Variants in INSR observed in about 807,000 individuals in gnomAD.
The protein encoded by INSR is insulin receptor, also known as IR.
In INSR, 67 loss-of-function variants were observed where a neutral mutation model predicts 142.6. That is an observed-to-expected ratio of 0.47 (90% CI 0.39 to 0.58). The LOEUF (loss-of-function observed/expected upper bound fraction) is 0.58, where lower values mean the gene tolerates loss of function less well. Among genes scored for constraint, INSR ranks in the 20% least tolerant of loss-of-function variants. The pLI, the probability that INSR is intolerant of heterozygous loss-of-function variation, is 0.00. For missense variants in INSR, 1,248 were observed against 1,833.2 expected, an observed-to-expected ratio of 0.68 and a Z score of 5.83; for synonymous variants, 756 against 743.1, an observed-to-expected ratio of 1.02 and a Z score of -0.28.
At chr19:7,152,627 G>A (rs1211711005) in intron 10 of INSR, 99 bp downstream of exon 10, 11 of 985,226 alleles carry the variant, frequency 1.1e-5, no homozygotes, top group Non-Finnish European at 1.8e-5. Flanking sequence ...CCCTTCTGCC[G>A]TCTCTGGGTC....
At chr19:7,202,987 G>GTTTTTTTTT (rs111825279) in intron 2 of INSR, among the ~76,000 whole-genome samples, 35,296 of 143,518 alleles carry the variant, frequency 0.25, 4,539 homozygotes, top group African/African-American at 0.31. Flanking sequence ...TTTGGGGTGG[G>GTTTTTTTTT]GTTTTGTTGT....
chr19:7,197,874 G>A (rs1974820566), intron 2 of INSR, among the ~76,000 whole-genome samples: 1 of 147,762 alleles, frequency 6.8e-6, no homozygotes, highest in Admixed American at 6.8e-5. Flanking sequence ...GTGTGTGCGC[G>A]TGTGTGTCTG....
Position 7,152,804 on chromosome 19 carries a change from T to G in INSR, c.2153A>C (p.Gln718Pro), listed in dbSNP as rs760356473. The change falls in exon 10 of 22, where the codon CAG (glutamine) becomes CCG (proline). Residue 718 changes from glutamine to proline, a missense_variant. Gln to Pro is a moderately conservative substitution (Grantham distance 76). Transcript: ENST00000302850. Reference sequence around the variant, plus strand: ...GGACTCCTCCAGCTCCTTCAGGATCTGAGAGTCTGTCTTTGGACAGGAGCA... The same window carrying G: ...GGACTCCTCCAGCTCCTTCAGGATCGGAGAGTCTGTCTTTGGACAGGAGCA... ...ECCSCPKTDS[Q>P]ILKELEESSF... is the part of the protein sequence containing the mutation. 6.2e-7 allele frequency: 1 copy of G among 1,613,572 alleles called. No individual in the cohort carries two copies.
chr19:7,190,407 C>G (rs1469551437), intron 2 of INSR, among the ~76,000 whole-genome samples: 1 of 132,738 alleles, frequency 7.5e-6, no homozygotes, highest in Non-Finnish European at 1.5e-5. Flanking sequence ...GAGTCTCACT[C>G]TGTTGTCCAG....
chr19:7,172,660 T>C (rs1287923595), intron 4 of INSR, among the ~76,000 whole-genome samples: 1 of 152,114 alleles, frequency 6.6e-6, no homozygotes, highest in Non-Finnish European at 1.5e-5. Flanking sequence ...GCTCAGAATA[T>C]TATTCCACCA....
intron 2 of INSR, among the ~76,000 whole-genome samples, chr19:7,259,342 C>T (rs925429823): frequency 9.2e-5 from 14 of 151,962 alleles, no homozygotes; most frequent in South Asian, 4.2e-4. Context: ...GTGTGGGGTG[C>T]GCGGCGGAAG....
intron 1 of INSR, among the ~76,000 whole-genome samples, chr19:7,278,877 G>A (rs1421989693): frequency 1.4e-5 from 2 of 140,468 alleles, no homozygotes; most frequent in Admixed American, 1.4e-4. Context: ...GCCTGTAATC[G>A]CAGCACTTTG....
chr19:7,244,330 C>T (rs1315931589), intron 2 of INSR, among the ~76,000 whole-genome samples: 3 of 152,090 alleles, frequency 2.0e-5, no homozygotes, highest in Non-Finnish European at 4.4e-5. Context: ...GCCAGGAATT[C>T]GAGACCAGCC....
At chr19:7,233,994 C>T (rs1201948541) in intron 2 of INSR, among the ~76,000 whole-genome samples, 2 of 152,072 alleles carry the variant, frequency 1.3e-5, no homozygotes, top group East Asian at 1.9e-4. Flanking sequence ...GCAACCTCCA[C>T]CTCCCAGGTT....
intron 13 of INSR, chr19:7,141,428 A>G: frequency 1.9e-6 from 1 of 536,292 alleles, no homozygotes; most frequent in Admixed American, 3.1e-5. Flanking sequence ...GGAGGCAGAC[A>G]TCATTCAACT....
chr19:7,204,906 C>T (rs939913450), intron 2 of INSR, among the ~76,000 whole-genome samples: 1 of 152,106 alleles, frequency 6.6e-6, no homozygotes, highest in African/African-American at 2.4e-5. Flanking sequence ...CATGGCAAAA[C>T]CTCATTTCTA....
chr19:7,269,960 G>A (rs1190821748), intron 1 of INSR, among the ~76,000 whole-genome samples: 1 of 152,118 alleles, frequency 6.6e-6, no homozygotes, highest in Non-Finnish European at 1.5e-5. Context: ...ATTCTTGTGG[G>A]GTTTTTGTTG....
In INSR at chr19:7,116,388, ACAT is replaced by A. The variant is rs1972323867; in HGVS notation, c.*665_*667del. ...AACTCCGCATGGATACTTTGCACAC[ACAT>A]CAGCCGTGTCTAATGGACACACACA... On this transcript the variant is annotated 3_prime_UTR_variant, in exon 22 of 22. Coordinates refer to ENST00000302850, the MANE Select transcript of INSR (RefSeq NM_000208.4). The A allele has an allele frequency of 6.6e-6, 1 of 152,046 alleles. No individual in the cohort carries two copies. The highest frequency in any genetic ancestry group is 1.9e-4 in the East Asian group (1 of 5,152). The allele number at this position is 152,046 out of a possible 1,614,324, so 9.4% of individuals were successfully genotyped here. A position where few individuals can be genotyped will look rare whatever the true frequency, so the allele number is the denominator to read the frequency against.
chr19:7,132,685 G>A (rs183262772), intron 13 of INSR, among the ~76,000 whole-genome samples: 87 of 151,384 alleles, frequency 5.7e-4, no homozygotes, highest in African/African-American at 2.0e-3. Context: ...TCTGCCTCCC[G>A]GGTTCAAGTG....
chr19:7,163,805 C>T (rs1006090388), intron 8 of INSR, among the ~76,000 whole-genome samples: 1 of 151,046 alleles, frequency 6.6e-6, no homozygotes, highest in Non-Finnish European at 1.5e-5. Flanking sequence ...AGGCCAGGCA[C>T]AGTGGCTCAT....
At chr19:7,155,336 A>G (rs1453771148) in intron 9 of INSR, among the ~76,000 whole-genome samples, 1 of 151,992 alleles carries the variant, frequency 6.6e-6, no homozygotes, top group Non-Finnish European at 1.5e-5. Flanking sequence ...GGAGTTCGAG[A>G]CCAGCCTGGC....
chr19:7,184,319 C>T lies in INSR; in HGVS notation c.971G>A (p.Ser324Asn), dbSNP rs1974359616. ...CAGACCCACATCCAGAACTCACTTGCTGGAATTCATCGTGTACCCGGAGGG... is the reference window on the plus strand; with the variant it reads ...CAGACCCACATCCAGAACTCACTTGTTGGAATTCATCGTGTACCCGGAGGG... ...ECPSGYTMNS[S>N]NLLCTPCLGP... Residue 324 changes from serine to asparagine, a missense_variant, in exon 3 of 22, where the codon AGC becomes AAC. Physicochemically the swap from Ser to Asn is conservative, Grantham distance 46. Transcript: ENST00000302850. 1.2e-6 allele frequency: 2 copies of T among 1,613,668 alleles called. No homozygotes were observed. The highest frequency in any genetic ancestry group is 1.7e-6 in the Non-Finnish European group (2 of 1,179,930).
At chr19:7,211,675 G>GCAGTTTA (rs1490744146) in intron 2 of INSR, among the ~76,000 whole-genome samples, 1 of 152,186 alleles carries the variant, frequency 6.6e-6, no homozygotes, top group Admixed American at 6.5e-5. Context: ...CTGCTCAACA[G>GCAGTTTA]CTGACTCTAC....
intron 11 of INSR, among the ~76,000 whole-genome samples, chr19:7,148,144 C>T (rs1236332699): frequency 1.3e-5 from 2 of 152,028 alleles, no homozygotes; most frequent in Non-Finnish European, 2.9e-5. Flanking sequence ...AAACTCTTGA[C>T]CTCAGGTGAT....
Sources: allele counts gnomAD v4.1 joint callset (sites outside exome capture counted in the v4.1 genomes callset), GRCh38; gene constraint gnomAD v4.1.1; transcripts MANE v1.5; gene names NCBI Gene and HGNC (gene_info 2026-07-23, HGNC 2026-07-21).